Variants in SRRT observed in about 807,000 individuals in gnomAD.
The protein encoded by SRRT is serrate, RNA effector molecule.
A neutral mutation model predicts 103.2 loss-of-function variants in SRRT; 32 were observed. The observed-to-expected ratio is 0.31, with a 90% CI of 0.23 to 0.42. The LOEUF is 0.42. Among genes scored for constraint, SRRT ranks in the 10% least tolerant of loss-of-function variants. SRRT has a pLI of 1.00. For synonymous variants in SRRT, 525 were observed against 449.0 expected (o/e 1.17, Z -2.14); for missense variants, 986 against 1,207.5 (o/e 0.82, Z 2.72).
chr7:100,887,416 A>T lies in SRRT; in HGVS notation c.2072A>T (p.Lys691Ile), dbSNP rs1271934035. ...GAAGAGGCCCAGAAGATGGGGCGCAAAGACCCAGAGCAGGAAGTGGAGAAG... is the reference window on the plus strand; with the variant it reads ...GAAGAGGCCCAGAAGATGGGGCGCATAGACCCAGAGCAGGAAGTGGAGAAG... The part of the protein sequence containing the change: ...SEEEAQKMGR[K>I]DPEQEVEKFV... The change falls in exon 16 of 20, where the codon AAA (lysine) becomes ATA (isoleucine). Residue 691 changes from lysine to isoleucine, a missense_variant. By Grantham distance (102) the Lys-to-Ile change is moderately radical. Around this residue, in one of 6 missense-constraint regions of SRRT, gnomAD observed 349 missense variants for 446.9 expected, o/e 0.78. Transcript: ENST00000611405. The surrounding 1 kb of genome is among the most constrained non-coding windows in gnomAD (Gnocchi z 4.1). 1 of 1,614,210 alleles carries T rather than the reference A, an allele frequency of 6.2e-7. No individual in the cohort carries two copies. Among genetic ancestry groups the T allele is most frequent in the Non-Finnish European group, 8.5e-7 (1 of 1,180,036 alleles).
In SRRT at chr7:100,887,534, G is replaced by T. The variant is rs764631171; in HGVS notation, c.2169+21G>T. On this transcript the variant is annotated intron_variant, in intron 16 of 19. Transcript: ENST00000611405. The surrounding 1 kb of genome is among the most constrained non-coding windows in gnomAD (Gnocchi z 4.1). ...TCAAGGTGTGGGATGTTGGAGAATG[G>T]CCGTGCTACGGTGGTGGGAGGTGGG... 6.2e-7 allele frequency: 1 copy of T among 1,611,116 alleles called. No individual in the cohort carries two copies. Among genetic ancestry groups the T allele is most frequent in the South Asian group, 1.1e-5 (1 of 90,806 alleles).
chr7:100,887,631 C>A lies in SRRT; in HGVS notation c.2170-72C>A. ...GCACTGGCAGGCGGGAGCTGGGAAT[C>A]CTTCCAGCTCGGGCCTGGGAGCGAG... On this transcript the variant is annotated intron_variant, in intron 16 of 19. Coordinates refer to ENST00000611405, the MANE Select transcript of SRRT (RefSeq NM_015908.6). The surrounding 1 kb of genome is among the most constrained non-coding windows in gnomAD (Gnocchi z 4.1). The A allele has an allele frequency of 6.3e-7, 1 of 1,576,794 alleles. No homozygotes were observed. Among genetic ancestry groups the A allele is most frequent in the East Asian group, 2.3e-5 (1 of 44,380 alleles).
intron 13 of SRRT, 28 bp downstream of exon 13, chr7:100,886,463 A>T (rs2115881223): frequency 6.3e-7 from 1 of 1,590,498 alleles, no homozygotes; most frequent in East Asian, 2.3e-5. Flanking sequence ...GGACTTTGTC[A>T]GAAGCAACTG....
intron 2 of SRRT, among the ~76,000 whole-genome samples, chr7:100,876,929 T>G (rs1214232470): frequency 6.6e-6 from 1 of 152,056 alleles, no homozygotes; most frequent in Non-Finnish European, 1.5e-5. Flanking sequence ...GGACATAACG[T>G]GTGATTTTAG....
intron 2 of SRRT, 88 bp from the exon 3 acceptor site, chr7:100,881,197 T>A (rs918569554): frequency 1.4e-6 from 2 of 1,470,666 alleles, no homozygotes; most frequent in Non-Finnish European, 1.9e-6. Context: ...CCTCAAGTGT[T>A]CTCTGCCTCG....
Position 100,884,439 on chromosome 7 carries a change from G to T in SRRT, c.829G>T (p.Ala277Ser), listed in dbSNP as rs1376200548. 1 of 1,613,518 alleles carries T rather than the reference G, an allele frequency of 6.2e-7. No individual in the cohort carries two copies. Among genetic ancestry groups the T allele is most frequent in the African/African-American group, 1.3e-5 (1 of 74,906 alleles). ...GGAGCAGGAGGAGGAGGAGGAGCAG[G>T]CAGGAAAGCCTGGGGAGCCCAGCAA... ...ILEQEEEEEQ[A>S]GKPGEPSKKE... Residue 277 changes from alanine (A) to serine (S), a missense_variant, in exon 7 of 20, where the codon GCA becomes TCA. By Grantham distance (99) the Ala-to-Ser change is moderately conservative (BLOSUM62 1). Around this residue, in one of 6 missense-constraint regions of SRRT, gnomAD observed 166 missense variants for 148.6 expected, o/e 1.12. Transcript: ENST00000611405.
intron 2 of SRRT, 154 bp downstream of exon 2, chr7:100,875,866 C>T (rs1027646439): frequency 1.8e-5 from 16 of 877,758 alleles, no homozygotes; most frequent in Admixed American, 2.5e-5. Context: ...TTGCTGTTGG[C>T]CAAATAACTA....
At chr7:100,880,396 G>A (rs376723836) in intron 2 of SRRT, among the ~76,000 whole-genome samples, 5 of 152,078 alleles carry the variant, frequency 3.3e-5, no homozygotes, top group East Asian at 1.9e-4. Context: ...TCCGCCTCCC[G>A]GGTCCACGCC....
intron 1 of SRRT, 74 bp from the exon 2 acceptor site, chr7:100,875,499 G>T (rs780077617): frequency 6.3e-7 from 1 of 1,581,936 alleles, no homozygotes; most frequent in Non-Finnish European, 8.6e-7. Context: ...AAGCGGGCGA[G>T]CTGCCCGCGA....
Position 100,888,273 on chromosome 7 carries a change from T to C in SRRT, c.2445T>C (p.Pro815=), listed in dbSNP as rs1010268667. 1.2e-6 allele frequency: 2 copies of C among 1,609,970 alleles called. No homozygotes were observed. The highest frequency in any genetic ancestry group is 1.7e-5 in the Admixed American group (1 of 59,760). ...CTGTCATAGCTGGTGCTGTCCGCCCTGCAGTCCCCACAGGAGGCCCTCCAT... is the reference window on the plus strand; with the variant it reads ...CTGTCATAGCTGGTGCTGTCCGCCCCGCAGTCCCCACAGGAGGCCCTCCAT... ...ILGYGAGAVR[P]AVPTGGPPYP... The change falls in exon 19 of 20, where the codon CCT becomes CCC. Residue 815 remains proline, a synonymous_variant. Coordinates refer to ENST00000611405, the MANE Select transcript of SRRT (RefSeq NM_015908.6).
At position 100,882,307 on chromosome 7, in the gene SRRT, C is replaced by T. The variant is rs1353623485; in HGVS notation, c.587+66C>T. The stretch of plus-strand genomic sequence containing the variant: ...CCCCCTGGCCCCGCTGGTGGAGCCA[C>T]AGCCCTGTCCTCTTCCCAGTTTTCC... On this transcript the variant is annotated intron_variant, in intron 5 of 19. Coordinates refer to ENST00000611405, the MANE Select transcript of SRRT (RefSeq NM_015908.6). This position sits in a 1 kb window ranked among gnomAD's most constrained non-coding sequence, Gnocchi z 4.2. 31 of 1,522,288 alleles carry T rather than the reference C, an allele frequency of 2.0e-5. No individual in the cohort carries two copies. Among genetic ancestry groups the T allele is most frequent in the Non-Finnish European group, 2.4e-5 (27 of 1,117,646 alleles). The allele number at this position is 1,522,288 out of a possible 1,614,324, so 94.3% of individuals were successfully genotyped here.
At chr7:100,888,207 G>A (rs780908598) in intron 18 of SRRT, 50 bp from the exon 19 acceptor site, 4 of 1,600,412 alleles carry the variant, frequency 2.5e-6, no homozygotes, top group East Asian at 2.2e-5. Flanking sequence ...GAAAACAGAG[G>A]ATGGAATTGA....
chr7:100,882,347 C>CT lies in SRRT; in HGVS notation c.587+107dup. 1 of 1,326,172 alleles carries CT rather than the reference C, an allele frequency of 7.5e-7. No individual in the cohort carries two copies. The highest frequency in any genetic ancestry group is 1.5e-5 in the African/African-American group (1 of 67,550). The allele number at this position is 1,326,172 out of a possible 1,614,324, so 82.2% of individuals were successfully genotyped here. A position where few individuals can be genotyped will look rare whatever the true frequency, so the allele number is the denominator to read the frequency against. ...CCCAGTTTTCCCTGTCCAGAACTTT[C>CT]TGGGGGCGGGGGTCGGGAAGTATGA... On this transcript the variant is annotated intron_variant, in intron 5 of 19. Transcript: ENST00000611405. This position sits in a 1 kb window ranked among gnomAD's most constrained non-coding sequence, Gnocchi z 4.2.
rs191822427 is a variant in SRRT at position 100,879,767 on chromosome 7, G to T, written c.123-1518G>T. Among the ~76,000 whole-genome samples, 498 of 150,344 alleles carry T rather than the reference G, an allele frequency of 3.3e-3. 4 individuals are homozygous for T. The highest frequency in any genetic ancestry group is 0.012 in the African/African-American group (484 of 40,884). On this transcript the variant is annotated intron_variant, in intron 2 of 19. Coordinates refer to ENST00000611405, the MANE Select transcript of SRRT (RefSeq NM_015908.6). ...AGGCTGTAGTGAGCCGAGAGTGATT[G>T]TGCTGCTGCACTCCAGCCTGAGCGA...
Position 100,887,888 on chromosome 7 carries a change from T to C in SRRT, c.2326+29T>C. The C allele has an allele frequency of 6.3e-7, 1 of 1,585,748 alleles. No homozygotes were observed. Among genetic ancestry groups the C allele is most frequent in the Non-Finnish European group, 8.6e-7 (1 of 1,160,258 alleles). On this transcript the variant is annotated intron_variant, in intron 17 of 19. Transcript: ENST00000611405. This position sits in a 1 kb window ranked among gnomAD's most constrained non-coding sequence, Gnocchi z 4.1. ...AGATACGATCCATGAAGGTCGCATG[T>C]GCCCTCTTCCTTGACTACCCAGGGA...
chr7:100,887,585 G>C lies in SRRT; in HGVS notation c.2169+72G>C. The C allele has an allele frequency of 6.3e-7, 1 of 1,587,062 alleles. No homozygotes were observed. Among genetic ancestry groups the C allele is most frequent in the East Asian group, 2.2e-5 (1 of 44,586 alleles). ...GTTGAGACAGGAAGCCCCCTGGGCA[G>C]GGGTGGGGGAACTGCTTACTGCACT... On this transcript the variant is annotated intron_variant, in intron 16 of 19. Transcript: ENST00000611405. This position sits in a 1 kb window ranked among gnomAD's most constrained non-coding sequence, Gnocchi z 4.1.
intron 2 of SRRT, among the ~76,000 whole-genome samples, chr7:100,877,517 CT>C (rs1467113919): frequency 1.3e-5 from 2 of 148,452 alleles, no homozygotes; most frequent in Non-Finnish European, 3.0e-5. Flanking sequence ...GACTGTACGT[CT>C]TTTTTAAAAA....
rs1002919506 is a variant in SRRT at position 100,887,282 on chromosome 7, C to T, written c.1976-38C>T. ...CTTGCCACCATCCTTCCTTCTGGCT[C>T]CCTTGCCAACCTTCCTTCCTCTGTT... On this transcript the variant is annotated intron_variant, in intron 15 of 19. Transcript: ENST00000611405. This position sits in a 1 kb window ranked among gnomAD's most constrained non-coding sequence, Gnocchi z 4.1. The T allele has an allele frequency of 6.8e-6, 11 of 1,610,054 alleles. No individual in the cohort carries two copies. The highest frequency in any genetic ancestry group is 2.2e-5 in the South Asian group (2 of 90,872).
In SRRT at chr7:100,887,969, A is replaced by G; in HGVS notation, c.2327-73A>G. The G allele has an allele frequency of 3.9e-6, 6 of 1,531,550 alleles. No homozygotes were observed. The highest frequency in any genetic ancestry group is 5.3e-6 in the Non-Finnish European group (6 of 1,138,704). 94.9% of individuals were successfully genotyped at this position (1,531,550 alleles called of 1,614,324 possible). On this transcript the variant is annotated intron_variant, in intron 17 of 19. Transcript: ENST00000611405. The surrounding 1 kb of genome is among the most constrained non-coding windows in gnomAD (Gnocchi z 4.1). Reference sequence around the variant, plus strand: ...GAAGTTTCTGCCCCATCCTCAGGCCATAGCCCTAGAAGTCAATTGTACCCG... The same window carrying G: ...GAAGTTTCTGCCCCATCCTCAGGCCGTAGCCCTAGAAGTCAATTGTACCCG...
Sources: gnomAD v4.1 joint callset for allele counts (sites outside exome capture counted in the v4.1 genomes callset) on GRCh38, gnomAD v4.1.1 for gene constraint, gnomAD v4.1.1 regional missense constraint, Gnocchi (gnomAD v3.1) non-coding constraint, MANE v1.5 for transcripts, NCBI Gene and HGNC (gene_info 2026-07-23, HGNC 2026-07-21) for gene names.